LRRC4C: variants seen among roughly 807,000 people sequenced by gnomAD.
LRRC4C encodes the protein leucine rich repeat containing 4C, also known as leucine-rich repeat-containing protein 4C.
Under a neutral mutation model 33.6 loss-of-function variants are expected in LRRC4C, and 5 were observed. The ratio of observed to expected loss-of-function variants is 0.15; its 90% CI spans 0.08 to 0.31. The LOEUF is 0.31. Ranked by LOEUF, LRRC4C falls within the 10% of genes least tolerant of loss-of-function variation. The pLI, the probability that LRRC4C is intolerant of heterozygous loss-of-function variation, is 1.00. For missense variants in LRRC4C, 560 were observed against 796.7 expected, an observed-to-expected ratio of 0.70 and a Z score of 3.58; for synonymous variants, 329 against 302.0, an observed-to-expected ratio of 1.09 and a Z score of -0.93.
At chr11:41,359,841 C>T (rs1332634785) in intron 1 of LRRC4C, among the ~76,000 whole-genome samples, 2 of 152,128 alleles carry the variant, frequency 1.3e-5, no homozygotes, top group African/African-American at 2.4e-5. Context: ...CATGATGCCT[C>T]ATCACTTTGA....
chr11:40,355,265 C>T (rs559634649), intron 3 of LRRC4C, among the ~76,000 whole-genome samples: 4 of 152,256 alleles, frequency 2.6e-5, no homozygotes, highest in African/African-American at 9.6e-5. Context: ...CCTGGAGCTG[C>T]AAGCTGCACT....
chr11:40,301,141 T>C (rs1944755394), intron 4 of LRRC4C, among the ~76,000 whole-genome samples: 1 of 152,178 alleles, frequency 6.6e-6, no homozygotes. Context: ...TCAGACCACA[T>C]GAGGCAACAT....
chr11:41,364,945 G>A (rs981006875), intron 1 of LRRC4C, among the ~76,000 whole-genome samples: 1 of 151,996 alleles, frequency 6.6e-6, no homozygotes, highest in African/African-American at 2.4e-5. Context: ...AAGTTATTTT[G>A]TCATTTAAAG....
intron 5 of LRRC4C, among the ~76,000 whole-genome samples, chr11:40,185,940 G>A (rs1303837224): frequency 1.3e-5 from 2 of 152,090 alleles, no homozygotes; most frequent in East Asian, 1.9e-4. Flanking sequence ...CCTCACAGGA[G>A]CCTTCTCCAT....
In LRRC4C at chr11:40,473,594, T is replaced by C. The variant is rs141891932; in HGVS notation, c.-269-153873A>G. Among the ~76,000 whole-genome samples, 16 of 152,294 alleles carry C rather than the reference T, an allele frequency of 1.1e-4. 1 individual carries two copies. The highest frequency in any genetic ancestry group is 6.8e-3 in the Middle Eastern group (2 of 294). The stretch of plus-strand genomic sequence containing the variant: ...TCTAATTCAACATGGTACTGGAAGT[T>C]CTGCCCGGGGCAAGTAGGCAAGAGA... On this transcript the variant is annotated intron_variant, in intron 3 of 6. Transcript: ENST00000528697.
intron 1 of LRRC4C, among the ~76,000 whole-genome samples, chr11:40,939,262 C>T (rs1958038583): frequency 6.6e-6 from 1 of 152,084 alleles, no homozygotes; most frequent in Non-Finnish European, 1.5e-5. Flanking sequence ...AATGACACTT[C>T]TGAAATTCAA....
At chr11:40,243,685 A>ACC (rs1866097053) in intron 4 of LRRC4C, among the ~76,000 whole-genome samples, 1 of 139,760 alleles carries the variant, frequency 7.2e-6, no homozygotes, top group Admixed American at 7.5e-5. Flanking sequence ...AAAAACTTAT[A>ACC]TCTTTTTTTT....
At chr11:41,285,456 G>T (rs1949795293) in intron 1 of LRRC4C, among the ~76,000 whole-genome samples, 1 of 152,174 alleles carries the variant, frequency 6.6e-6, no homozygotes, top group South Asian at 2.1e-4. Flanking sequence ...AGATATTAAT[G>T]ATTAATAACA....
In LRRC4C at chr11:40,564,994, G is replaced by T. The variant is rs184706454; in HGVS notation, c.-270+83148C>A. ...CGTATAATTTCTAGGAACTAAGATC[G>T]CTCTGGGATAAGGGATTGGGTTACA... On this transcript the variant is annotated intron_variant, in intron 3 of 6. Transcript: ENST00000528697. Among the ~76,000 whole-genome samples the T allele has an allele frequency of 1.1e-4, 16 of 152,244 alleles. No individual in the cohort carries two copies. In the East Asian group the frequency reaches 2.9e-3, roughly 28 times the overall value.
intron 5 of LRRC4C, among the ~76,000 whole-genome samples, chr11:40,166,486 T>C (rs761046162): frequency 3.9e-5 from 6 of 152,172 alleles, no homozygotes; most frequent in Non-Finnish European, 7.4e-5. Context: ...AGAAGAGGCA[T>C]TGTCAGTTTC....
At chr11:40,488,648 T>G (rs1953993702) in intron 3 of LRRC4C, among the ~76,000 whole-genome samples, 1 of 152,086 alleles carries the variant, frequency 6.6e-6, no homozygotes, top group African/African-American at 2.4e-5. Context: ...ATCCTCCGTG[T>G]GTTGCCTCCC....
chr11:40,512,920 G>T (rs1055135369), intron 3 of LRRC4C, among the ~76,000 whole-genome samples: 16 of 152,112 alleles, frequency 1.1e-4, no homozygotes, highest in Non-Finnish European at 2.4e-4. Flanking sequence ...GACACCTGTA[G>T]TCTAGAGTGG....
rs1857734147 is a variant in LRRC4C, at chr11:40,146,422, A to G, written c.-95-5569T>C. Among the ~76,000 whole-genome samples the G allele has an allele frequency of 2.6e-5, 4 of 152,312 alleles. No individual in the cohort carries two copies. The South Asian group carries it at 8.3e-4, about 32-fold the overall frequency. ...AGTGAAAAATGCTGAAATACCTTCT[A>G]TGAGACAAGTTATACCCGCTGAGGG... On this transcript the variant is annotated intron_variant, in intron 5 of 6. Coordinates refer to ENST00000528697, the MANE Select transcript of LRRC4C (RefSeq NM_001258419.2).
At chr11:40,386,778 T>C (rs1949128130) in intron 3 of LRRC4C, among the ~76,000 whole-genome samples, 1 of 152,136 alleles carries the variant, frequency 6.6e-6, no homozygotes, top group Admixed American at 6.5e-5. Context: ...AGTAAACAAA[T>C]ACTTAGTAAT....
intron 5 of LRRC4C, among the ~76,000 whole-genome samples, chr11:40,197,147 G>A (rs1311062002): frequency 6.6e-6 from 1 of 152,146 alleles, no homozygotes; most frequent in East Asian, 1.9e-4. Context: ...TGATTGAGAA[G>A]TTTATTTCTG....
At chr11:40,347,563 T>A (rs1228761940) in intron 3 of LRRC4C, among the ~76,000 whole-genome samples, 1 of 152,214 alleles carries the variant, frequency 6.6e-6, no homozygotes, top group East Asian at 1.9e-4. Context: ...TAGCTTTCGA[T>A]TTAATGTGAG....
intron 3 of LRRC4C, among the ~76,000 whole-genome samples, chr11:40,415,347 T>C (rs1308236737): frequency 6.6e-6 from 1 of 152,172 alleles, no homozygotes; most frequent in Non-Finnish European, 1.5e-5. Flanking sequence ...ATTTTATCTT[T>C]GAAATTGTGT....
At chr11:40,269,641 A>G (rs1457888626) in intron 4 of LRRC4C, among the ~76,000 whole-genome samples, 1 of 152,114 alleles carries the variant, frequency 6.6e-6, no homozygotes, top group Non-Finnish European at 1.5e-5. Flanking sequence ...CTTTCTTCTC[A>G]GTTTAACCTG....
chr11:41,263,985 C>A (rs1379735202), intron 1 of LRRC4C, among the ~76,000 whole-genome samples: 1 of 152,054 alleles, frequency 6.6e-6, no homozygotes, highest in Non-Finnish European at 1.5e-5. Flanking sequence ...CTTTGTCTAT[C>A]ATCCAGAATC....
Sources: allele counts gnomAD v4.1 joint callset (sites outside exome capture counted in the v4.1 genomes callset), GRCh38; gene constraint gnomAD v4.1.1; transcripts MANE v1.5; gene names NCBI Gene and HGNC (gene_info 2026-07-23, HGNC 2026-07-21).